The following FSTL4 variants were observed in gnomAD, a reference collection of about 807,000 sequenced individuals.
FSTL4 encodes the protein follistatin like 4.
A neutral mutation model predicts 78.2 loss-of-function variants in FSTL4; 28 were observed. The ratio of observed to expected loss-of-function variants is 0.36; its 90% CI spans 0.27 to 0.49. The LOEUF is 0.49. FSTL4 is among the 20% of genes least tolerant of loss of function. The probability of loss-of-function intolerance (pLI) is 0.98; values close to 1 mark genes in which losing one functional copy is unlikely to be tolerated. For synonymous variants in FSTL4, 422 were observed against 440.5 expected (o/e 0.96, Z 0.53); for missense variants, 922 against 1,084.9 (o/e 0.85, Z 2.11).
chr5:133,360,473 ATTTTTT>A (rs57176651), intron 4 of FSTL4, among the ~76,000 whole-genome samples: 30 of 131,008 alleles, frequency 2.3e-4, no homozygotes, highest in East Asian at 4.3e-4. Context: ...TCAGGCAATA[ATTTTTT>A]TTTTTTTTTT....
At chr5:133,328,171 C>T (rs1754261179) in intron 4 of FSTL4, among the ~76,000 whole-genome samples, 1 of 152,244 alleles carries the variant, frequency 6.6e-6, no homozygotes, top group Admixed American at 6.5e-5. Context: ...CCCGGCTGTG[C>T]TGCACTGGAG....
At chr5:133,442,785 C>A (rs1561718531) in intron 3 of FSTL4, among the ~76,000 whole-genome samples, 2 of 152,270 alleles carry the variant, frequency 1.3e-5, no homozygotes, top group East Asian at 3.9e-4. Context: ...AAACAAAAAC[C>A]ACTCAGTGGC....
At chr5:133,693,343 T>A in the FSTL4 span, among the ~76,000 whole-genome samples, 1 of 152,208 alleles carries the variant, frequency 6.6e-6, no homozygotes, top group African/African-American at 2.4e-5. Context: ...AGAACTATAA[T>A]CATCACACTT....
rs867975730 is a variant in FSTL4, at chr5:133,236,391, C to A, written c.895-2854G>T. On this transcript the variant is annotated intron_variant, in intron 7 of 15. Transcript: ENST00000265342. The surrounding 1 kb of genome is among the most constrained non-coding windows in gnomAD (Gnocchi z 5.0). ...GGTTACCGTGTGCCGGGAACTTACA[C>A]GTCACCTTGTATGTATTTAATCCTC... 6.6e-6 allele frequency among the ~76,000 whole-genome samples: 1 copy of A among 151,934 alleles called. No homozygotes were observed. The highest frequency in any genetic ancestry group is 6.5e-5 in the Admixed American group (1 of 15,270).
intron 6 of FSTL4, among the ~76,000 whole-genome samples, chr5:133,310,511 G>A (rs1753754810): frequency 6.6e-6 from 1 of 152,132 alleles, no homozygotes. Context: ...ATTTCCTTGA[G>A]AGCAAAGCCA....
intron 3 of FSTL4, among the ~76,000 whole-genome samples, chr5:133,438,094 A>G (rs1372888177): frequency 6.6e-6 from 1 of 152,208 alleles, no homozygotes; most frequent in Admixed American, 6.5e-5. Context: ...TTCATTTATC[A>G]GTTAGGTGGA....
chr5:133,592,906 A>T (rs891218185), intron 2 of FSTL4, among the ~76,000 whole-genome samples: 1 of 152,176 alleles, frequency 6.6e-6, no homozygotes, highest in Admixed American at 6.5e-5. Context: ...TTCTTTATAA[A>T]TTACCAGACT....
chr5:133,731,903 C>T, the FSTL4 span, among the ~76,000 whole-genome samples: 9 of 152,184 alleles, frequency 5.9e-5, no homozygotes, highest in Non-Finnish European at 8.8e-5. Context: ...CTTCCTCTCC[C>T]TTATTCTAAG....
chr5:133,750,540 G>A, the FSTL4 span, among the ~76,000 whole-genome samples: 1 of 152,142 alleles, frequency 6.6e-6, no homozygotes, highest in Non-Finnish European at 1.5e-5. Context: ...TGTGGGTGAG[G>A]GCAGACGTGC....
intron 3 of FSTL4, among the ~76,000 whole-genome samples, chr5:133,502,761 C>T (rs912719366): frequency 4.0e-5 from 6 of 151,874 alleles, no homozygotes; most frequent in African/African-American, 1.5e-4. Flanking sequence ...ACTATGCTTC[C>T]TGTAGAGCCT....
the FSTL4 span, among the ~76,000 whole-genome samples, chr5:133,725,504 A>G: frequency 6.6e-6 from 1 of 152,242 alleles, no homozygotes; most frequent in Non-Finnish European, 1.5e-5. Context: ...CCACGCAAGT[A>G]CATTGTTAAT....
rs1761117485 is a variant in FSTL4 at position 133,612,371 on chromosome 5, C to CGGGA, written c.-61_-58dup. ...GGAAGACCAGGTGGCCGGACTTGGG[C>CGGGA]GGGAGGGAGGGAGCACCCCGTGGCG... On this transcript the variant is annotated 5_prime_UTR_variant, in exon 1 of 16. Coordinates refer to ENST00000265342, the MANE Select transcript of FSTL4 (RefSeq NM_015082.2). The surrounding 1 kb of genome is among the most constrained non-coding windows in gnomAD (Gnocchi z 6.2). 1 of 139,928 alleles carries CGGGA rather than the reference C, an allele frequency of 7.1e-6. No homozygotes were observed. The highest frequency in any genetic ancestry group is 1.6e-5 in the Non-Finnish European group (1 of 63,756). 8.7% of individuals were successfully genotyped at this position (139,928 alleles called of 1,614,324 possible).
the FSTL4 span, among the ~76,000 whole-genome samples, chr5:133,797,547 G>A: frequency 6.6e-6 from 1 of 152,168 alleles, no homozygotes; most frequent in Non-Finnish European, 1.5e-5. Context: ...AACTCCAAAA[G>A]AGAGGGGGTA....
intron 4 of FSTL4, among the ~76,000 whole-genome samples, chr5:133,364,294 TG>T: frequency 8.2e-6 from 1 of 122,096 alleles, no homozygotes; most frequent in African/African-American, 3.2e-5. Context: ...GTTGGGGGTG[TG>T]GGGGTGGGTG....
At chr5:133,534,160 T>C (rs534375918) in intron 3 of FSTL4, among the ~76,000 whole-genome samples, 1 of 144,474 alleles carries the variant, frequency 6.9e-6, no homozygotes, top group African/African-American at 2.5e-5. Flanking sequence ...AACCTGATTG[T>C]AAAAAAAAAA....
chr5:133,429,332 G>A (rs971442677), intron 3 of FSTL4, among the ~76,000 whole-genome samples: 7 of 151,966 alleles, frequency 4.6e-5, no homozygotes, highest in African/African-American at 1.7e-4. Flanking sequence ...AGTGCCCTCT[G>A]GAAATGATCA....
chr5:133,520,277 G>A (rs1355700983), intron 3 of FSTL4, among the ~76,000 whole-genome samples: 4 of 152,100 alleles, frequency 2.6e-5, no homozygotes, highest in African/African-American at 4.8e-5. Flanking sequence ...CAGTAGAGAC[G>A]GCCCTGTGCC....
intron 3 of FSTL4, among the ~76,000 whole-genome samples, chr5:133,543,937 G>A (rs1204701899): frequency 6.6e-6 from 1 of 151,804 alleles, no homozygotes; most frequent in Non-Finnish European, 1.5e-5. Context: ...TGCTTTGTTA[G>A]TGGTTTCCTT....
intron 3 of FSTL4, among the ~76,000 whole-genome samples, chr5:133,539,159 A>AAATATTTCATCAAACAT (rs1561461974): frequency 6.6e-6 from 1 of 152,224 alleles, no homozygotes; most frequent in African/African-American, 2.4e-5. Context: ...AATAGATCCC[A>AAATATTTCATCAAACAT]TCTCTACATG....
Sources: gnomAD v4.1 joint callset for allele counts (sites outside exome capture counted in the v4.1 genomes callset) on GRCh38, gnomAD v4.1.1 for gene constraint, Gnocchi (gnomAD v3.1) non-coding constraint, MANE v1.5 for transcripts, NCBI Gene and HGNC (gene_info 2026-07-23, HGNC 2026-07-21) for gene names.